Variants in MYO10 observed in about 807,000 individuals in gnomAD.
MYO10 encodes the protein unconventional myosin-X.
In MYO10, 133 loss-of-function variants were observed where a neutral mutation model predicts 257.3. The observed-to-expected ratio is 0.52, with a 90% CI of 0.45 to 0.60. The LOEUF (loss-of-function observed/expected upper bound fraction) is 0.60. Among genes scored for constraint, MYO10 ranks in the 20% least tolerant of loss-of-function variants. The pLI is 0.00. For synonymous variants in MYO10, 1,104 were observed against 1,028.6 expected (o/e 1.07, Z -1.40); for missense variants, 2,399 against 2,635.7 (o/e 0.91, Z 1.97).
At chr5:16,743,117 C>T (rs1245350704) in intron 19 of MYO10, among the ~76,000 whole-genome samples, 1 of 151,950 alleles carries the variant, frequency 6.6e-6, no homozygotes, top group Non-Finnish European at 1.5e-5. Context: ...CAAAACTCCA[C>T]CACAAAACAA....
In MYO10 at chr5:16,756,502, C is replaced by T. The variant is rs1350757727; in HGVS notation, c.1849-1594G>A. Among the ~76,000 whole-genome samples the T allele has an allele frequency of 2.6e-5, 4 of 152,312 alleles. No homozygotes were observed. In the South Asian group the frequency reaches 8.3e-4, roughly 32 times the overall value. On this transcript the variant is annotated intron_variant, in intron 18 of 40. Transcript: ENST00000513610. Reference sequence around the variant, plus strand: ...TCTGTCTCTTTTTTCTTCTCATAATCTTGTTGAAGAAAACTGAACTGTCTG... The same window carrying T: ...TCTGTCTCTTTTTTCTTCTCATAATTTTGTTGAAGAAAACTGAACTGTCTG...
chr5:16,689,975 T>A, intron 27 of MYO10, 56 bp from the exon 28 acceptor site: 1 of 1,294,830 alleles, frequency 7.7e-7, no homozygotes, highest in Non-Finnish European at 1.1e-6. Context: ...TCTGAATAAC[T>A]GAGGAAAGCA....
At chr5:16,812,533 ACTTCAGCTATCCAAGG>A (rs1487616820) in intron 3 of MYO10, among the ~76,000 whole-genome samples, 6 of 152,172 alleles carry the variant, frequency 3.9e-5, no homozygotes, top group Non-Finnish European at 8.8e-5. Flanking sequence ...CAATGACAGG[ACTTCAGCTATCCAAGG>A]CCATGTGCTG....
chr5:16,864,696 G>A lies in MYO10; in HGVS notation c.120+12913C>T, dbSNP rs142168058. On this transcript the variant is annotated intron_variant, in intron 2 of 40. Coordinates refer to ENST00000513610, the MANE Select transcript of MYO10 (RefSeq NM_012334.3). ...ACATGTTTAGCCTGGAGCTAAGTGCGCTAATAAACAAGCAGACGAGTTTTT... is the reference window on the plus strand; with the variant it reads ...ACATGTTTAGCCTGGAGCTAAGTGCACTAATAAACAAGCAGACGAGTTTTT... Among the ~76,000 whole-genome samples the A allele has an allele frequency of 3.5e-4, 54 of 152,258 alleles. 2 individuals carry two copies. In the East Asian group the frequency reaches 8.1e-3, roughly 23 times the overall value.
chr5:16,777,722 G>A (rs1237531564), intron 9 of MYO10, among the ~76,000 whole-genome samples: 2 of 151,602 alleles, frequency 1.3e-5, no homozygotes, highest in African/African-American at 2.4e-5. Flanking sequence ...GGGTTGATGA[G>A]AGTGATTGGA....
At chr5:16,897,423 G>A (rs1745248285) in intron 1 of MYO10, among the ~76,000 whole-genome samples, 1 of 151,822 alleles carries the variant, frequency 6.6e-6, no homozygotes, top group Non-Finnish European at 1.5e-5. Context: ...ATGCAAAGAC[G>A]TACGCCCTAC....
chr5:16,785,502 A>C (rs1361082520), intron 4 of MYO10, among the ~76,000 whole-genome samples: 1 of 152,248 alleles, frequency 6.6e-6, no homozygotes, highest in Non-Finnish European at 1.5e-5. Context: ...AAACAATGTT[A>C]TGTGTTCCTC....
At position 16,781,692 on chromosome 5, in the gene MYO10, T is replaced by C. The variant is rs1440040994; in HGVS notation, c.727+13A>G. 1.9e-6 allele frequency: 3 copies of C among 1,610,982 alleles called. No individual in the cohort carries two copies. The highest frequency in any genetic ancestry group is 1.7e-5 in the Admixed American group (1 of 59,640). ...ATCAATTACTATAGATAAAAATAAA[T>C]GAAAGAGGATACAATCTACAATTCT... On this transcript the variant is annotated intron_variant, in intron 6 of 40. Transcript: ENST00000513610.
At chr5:16,719,894 G>T (rs974639948) in intron 19 of MYO10, among the ~76,000 whole-genome samples, 1 of 152,154 alleles carries the variant, frequency 6.6e-6, no homozygotes, top group Admixed American at 6.5e-5. Flanking sequence ...AACCCAGGAG[G>T]CGGAGGTTGT....
intron 9 of MYO10, among the ~76,000 whole-genome samples, chr5:16,770,474 G>A (rs1741013621): frequency 6.6e-6 from 1 of 152,146 alleles, no homozygotes; most frequent in South Asian, 2.1e-4. Context: ...ACTGAAGCCA[G>A]GTGTTTTCTG....
At chr5:16,716,154 C>T (rs774657332) in intron 19 of MYO10, among the ~76,000 whole-genome samples, 56 of 151,620 alleles carry the variant, frequency 3.7e-4, no homozygotes, top group Non-Finnish European at 6.9e-4. Context: ...GGAGACAGGA[C>T]GAAATCTATG....
intron 1 of MYO10, among the ~76,000 whole-genome samples, chr5:16,922,291 G>A (rs890216164): frequency 3.3e-5 from 5 of 152,030 alleles, no homozygotes; most frequent in African/African-American, 7.2e-5. Context: ...CTGAGAATCC[G>A]AGGGGGAAAA....
intron 4 of MYO10, among the ~76,000 whole-genome samples, chr5:16,787,847 G>A (rs1431193063): frequency 6.6e-6 from 1 of 152,084 alleles, no homozygotes; most frequent in African/African-American, 2.4e-5. Context: ...TCCCAGGCTG[G>A]AGTGCAGTGG....
chr5:16,931,185 C>A (rs1022413122), intron 1 of MYO10, among the ~76,000 whole-genome samples: 1 of 152,034 alleles, frequency 6.6e-6, no homozygotes, highest in African/African-American at 2.4e-5. Context: ...GCAGGAGAAT[C>A]GCTTGAACCC....
chr5:16,867,956 T>A (rs1326586732), intron 2 of MYO10, among the ~76,000 whole-genome samples: 6 of 152,140 alleles, frequency 3.9e-5, no homozygotes, highest in Admixed American at 2.0e-4. Context: ...GAGAGACAAT[T>A]CAAACAGAAT....
At chr5:16,893,382 C>T (rs955931233) in intron 1 of MYO10, among the ~76,000 whole-genome samples, 2 of 151,870 alleles carry the variant, frequency 1.3e-5, no homozygotes, top group Non-Finnish European at 2.9e-5. Context: ...GCCTGTAATC[C>T]CAGCACTTTT....
chr5:16,781,953 G>T, intron 5 of MYO10, 124 bp from the exon 6 acceptor site: 1 of 1,196,480 alleles, frequency 8.4e-7, no homozygotes, highest in East Asian at 2.4e-5. Flanking sequence ...AGGACTGAGG[G>T]TGGCAATGTT....
At chr5:16,795,923 C>G (rs1232445419) in intron 3 of MYO10, among the ~76,000 whole-genome samples, 1 of 152,078 alleles carries the variant, frequency 6.6e-6, no homozygotes, top group Non-Finnish European at 1.5e-5. Flanking sequence ...AGCGCAGTGG[C>G]TCACGACTGT....
At chr5:16,698,724 C>A (rs562349121) in intron 26 of MYO10, among the ~76,000 whole-genome samples, 1 of 143,182 alleles carries the variant, frequency 7.0e-6, no homozygotes, top group East Asian at 2.0e-4. Context: ...CCTGGGTTCA[C>A]GCCATTCTCC....
Sources: gnomAD v4.1 joint callset for allele counts (sites outside exome capture counted in the v4.1 genomes callset) on GRCh38, gnomAD v4.1.1 for gene constraint, MANE v1.5 for transcripts, NCBI Gene and HGNC (gene_info 2026-07-23, HGNC 2026-07-21) for gene names.